Variants in CDKAL1 observed in about 807,000 individuals in gnomAD.
The protein encoded by CDKAL1 is CDKAL1 threonylcarbamoyladenosine tRNA methylthiotransferase, also known as threonylcarbamoyladenosine tRNA methylthiotransferase.
Under a neutral mutation model 68.2 loss-of-function variants are expected in CDKAL1, and 32 were observed. That is an observed-to-expected ratio of 0.47 (90% CI 0.35 to 0.63). CDKAL1 has a LOEUF of 0.63. Among genes scored for constraint, CDKAL1 ranks in the 30% least tolerant of loss-of-function variants. The pLI is 0.00. For synonymous variants in CDKAL1, 234 were observed against 244.3 expected (o/e 0.96, Z 0.39); for missense variants, 606 against 696.7 (o/e 0.87, Z 1.47).
intron 13 of CDKAL1, 46 bp downstream of exon 13, chr6:21,108,509 G>A (rs377309435): frequency 1.6e-5 from 19 of 1,224,558 alleles, no homozygotes; most frequent in South Asian, 2.7e-5. Flanking sequence ...AAGTCTTTCC[G>A]AATGTATAGT....
At chr6:21,107,790 T>TA (rs1223476084) in intron 12 of CDKAL1, among the ~76,000 whole-genome samples, 1 of 152,228 alleles carries the variant, frequency 6.6e-6, no homozygotes, top group Admixed American at 6.5e-5. Context: ...TTACAGATAT[T>TA]AAGAGTTATA....
At chr6:21,049,238 G>A (rs1770410494) in intron 11 of CDKAL1, among the ~76,000 whole-genome samples, 1 of 152,062 alleles carries the variant, frequency 6.6e-6, no homozygotes. Context: ...AATTACTTTA[G>A]TAATTATCAT....
At chr6:20,755,519 C>G (rs1182256450) in intron 6 of CDKAL1, among the ~76,000 whole-genome samples, 1 of 152,006 alleles carries the variant, frequency 6.6e-6, no homozygotes, top group Non-Finnish European at 1.5e-5. Flanking sequence ...CCTGTTTAAC[C>G]TATTTGCCAA....
chr6:20,756,442 T>C (rs907776335), intron 6 of CDKAL1, among the ~76,000 whole-genome samples: 4 of 152,220 alleles, frequency 2.6e-5, no homozygotes, highest in African/African-American at 7.2e-5. Context: ...TGTATACTTA[T>C]GTCTCTGTAG....
chr6:21,135,244 GT>G (rs1232904499), intron 13 of CDKAL1, among the ~76,000 whole-genome samples: 1 of 152,012 alleles, frequency 6.6e-6, no homozygotes, highest in African/African-American at 2.4e-5. Context: ...TAAAAAAAAA[GT>G]TTAATAACCT....
chr6:20,900,665 T>C (rs1464811438), intron 9 of CDKAL1, among the ~76,000 whole-genome samples: 2 of 152,218 alleles, frequency 1.3e-5, no homozygotes, highest in Non-Finnish European at 2.9e-5. Context: ...ACCTGTGCAG[T>C]AGTCATTTCC....
intron 2 of CDKAL1, among the ~76,000 whole-genome samples, chr6:20,540,351 A>G (rs12212600): frequency 0.32 from 48,656 of 151,598 alleles, 8,200 homozygotes; most frequent in Middle Eastern, 0.43. Flanking sequence ...GGGATTACAA[A>G]CATGAGCCAC....
chr6:20,797,896 G>A (rs112502207), intron 8 of CDKAL1, among the ~76,000 whole-genome samples: 3,937 of 151,334 alleles, frequency 0.026, 133 homozygotes, highest in African/African-American at 0.084. Context: ...GGTTCGCTGC[G>A]TTCTCTGTCT....
chr6:20,726,707 G>A (rs1043441274), intron 5 of CDKAL1, among the ~76,000 whole-genome samples: 16 of 152,166 alleles, frequency 1.1e-4, no homozygotes, highest in South Asian at 2.1e-4. Context: ...AAGAGGAAAA[G>A]GACAGACTGG....
At chr6:21,125,098 A>T (rs1774928937) in intron 13 of CDKAL1, among the ~76,000 whole-genome samples, 1 of 152,044 alleles carries the variant, frequency 6.6e-6, no homozygotes, top group African/African-American at 2.4e-5. Flanking sequence ...TCCCCATCCA[A>T]AATCTCATCT....
chr6:21,076,789 A>T (rs1314647126), intron 12 of CDKAL1, among the ~76,000 whole-genome samples: 1 of 152,128 alleles, frequency 6.6e-6, no homozygotes, highest in Admixed American at 6.6e-5. Context: ...ATTCTTATGC[A>T]ACTTAATTGT....
At chr6:21,228,106 T>A (rs1311610370) in intron 15 of CDKAL1, among the ~76,000 whole-genome samples, 1 of 152,194 alleles carries the variant, frequency 6.6e-6, no homozygotes, top group South Asian at 2.1e-4. Flanking sequence ...GAACTGGGGA[T>A]AGGGAAAAGG....
intron 13 of CDKAL1, among the ~76,000 whole-genome samples, chr6:21,144,828 CAAAT>C (rs1219157259): frequency 2.6e-5 from 4 of 151,818 alleles, no homozygotes; most frequent in African/African-American, 9.7e-5. Context: ...CACAAACAAA[CAAAT>C]AAAAAAGATG....
intron 5 of CDKAL1, among the ~76,000 whole-genome samples, chr6:20,710,820 T>G (rs544915894): frequency 3.3e-5 from 5 of 152,330 alleles, no homozygotes; most frequent in South Asian, 4.1e-4. Flanking sequence ...GTATTTTCAG[T>G]AAATTTTAAT....
intron 4 of CDKAL1, among the ~76,000 whole-genome samples, chr6:20,638,208 A>G (rs188857606): frequency 4.6e-5 from 7 of 152,250 alleles, no homozygotes; most frequent in Admixed American, 1.3e-4. Flanking sequence ...ATAGTGTGCT[A>G]TCAAACTTTT....
intron 4 of CDKAL1, among the ~76,000 whole-genome samples, chr6:20,617,469 C>T (rs1210745025): frequency 6.6e-6 from 1 of 152,104 alleles, no homozygotes; most frequent in Non-Finnish European, 1.5e-5. Flanking sequence ...GCACAACGTG[C>T]AGGTTTGTTA....
At chr6:20,609,401 C>CTTCTT (rs1554162718) in intron 4 of CDKAL1, among the ~76,000 whole-genome samples, 2 of 49,762 alleles carry the variant, frequency 4.0e-5, no homozygotes, top group African/African-American at 8.3e-5. Flanking sequence ...TCTTCTTCTT[C>CTTCTT]TTTTTTTTTT....
intron 4 of CDKAL1, among the ~76,000 whole-genome samples, chr6:20,571,112 G>T (rs1035120478): frequency 2.0e-5 from 3 of 152,166 alleles, no homozygotes; most frequent in African/African-American, 7.2e-5. Flanking sequence ...TTATATTGAT[G>T]TTACGAAGTA....
chr6:20,639,470 C>G (rs1035562814), intron 4 of CDKAL1, among the ~76,000 whole-genome samples: 5 of 152,170 alleles, frequency 3.3e-5, no homozygotes, highest in African/African-American at 1.2e-4. Context: ...CCTTTTCCCC[C>G]CTTTTTCTGC....
Sources: allele counts gnomAD v4.1 joint callset (sites outside exome capture counted in the v4.1 genomes callset), GRCh38; gene constraint gnomAD v4.1.1; transcripts MANE v1.5; gene names NCBI Gene and HGNC (gene_info 2026-07-23, HGNC 2026-07-21).